CYBA: variants seen among roughly 807,000 people sequenced by gnomAD.
The protein encoded by CYBA is cytochrome b-245 light chain.
Under a neutral mutation model 20.8 loss-of-function variants are expected in CYBA, and 21 were observed. That is an observed-to-expected ratio of 1.01 (90% CI 0.72 to 1.46). The LOEUF (loss-of-function observed/expected upper bound fraction) is 1.46. Ranked by LOEUF, CYBA falls within the 40% of genes most tolerant of loss-of-function variation. CYBA has a pLI of 0.00. For synonymous variants in CYBA, 164 were observed against 127.5 expected (o/e 1.29, Z -1.93); for missense variants, 344 against 287.0 (o/e 1.20, Z -1.43).
chr16:88,646,931 C>T (rs1907309472), intron 3 of CYBA, 93 bp from the exon 4 acceptor site: 1 of 1,246,622 alleles, frequency 8.0e-7, no homozygotes, highest in Non-Finnish European at 1.2e-6. Flanking sequence ...GCACCCAGGC[C>T]TCTTTCCTCC....
chr16:88,646,106 C>CGCCACTCACCAGTAGGTAGAT lies in CYBA; in HGVS notation c.358_369+9dup. ...GGTGGCCGGGGCCGACCTCAGAGGG[C>CGCCACTCACCAGTAGGTAGAT]GCCACTCACCAGTAGGTAGATGCCG... On this transcript the variant is annotated intron_variant, in intron 5 of 5. Coordinates refer to ENST00000261623, the MANE Select transcript of CYBA (RefSeq NM_000101.4). The CGCCACTCACCAGTAGGTAGAT allele has an allele frequency of 6.5e-7, 1 of 1,547,930 alleles. No individual in the cohort carries two copies. Among genetic ancestry groups the CGCCACTCACCAGTAGGTAGAT allele is most frequent in the Non-Finnish European group, 8.7e-7 (1 of 1,147,368 alleles).
chr16:88,646,444 A>G, intron 4 of CYBA: 1 of 560,388 alleles, frequency 1.8e-6, no homozygotes, highest in South Asian at 1.5e-5. Context: ...GCCGGCAGTA[A>G]CCAGCAGACA....
intron 2 of CYBA, 177 bp downstream of exon 2, chr16:88,647,868 G>A: frequency 1.5e-6 from 1 of 661,894 alleles, no homozygotes; most frequent in Non-Finnish European, 2.7e-6. Flanking sequence ...ATCGCCACAT[G>A]GTCCTGGCGA....
chr16:88,647,915 T>C (rs1396939166), intron 2 of CYBA, 130 bp downstream of exon 2: 2 of 929,768 alleles, frequency 2.2e-6, no homozygotes, highest in Non-Finnish European at 3.4e-6. Context: ...GCCCAACCCG[T>C]GCACAGCCCA....
chr16:88,650,466 G>A (rs1289654343), intron 1 of CYBA: 3 of 461,290 alleles, frequency 6.5e-6, no homozygotes, highest in East Asian at 6.8e-5. Flanking sequence ...ACCGCCTCCA[G>A]CGCAGACTCC....
At chr16:88,645,769 C>T (rs1000166971) in intron 5 of CYBA, 21 of 534,370 alleles carry the variant, frequency 3.9e-5, no homozygotes, top group Non-Finnish European at 6.4e-5. Flanking sequence ...GGGACCCAAG[C>T]GCAGGCACGG....
chr16:88,650,332 C>T (rs551086702), intron 1 of CYBA: 2 of 455,938 alleles, frequency 4.4e-6, no homozygotes, highest in African/African-American at 4.0e-5. Flanking sequence ...TCACCAGAAC[C>T]TCTGAGCAAA....
In CYBA at chr16:88,645,060, G is replaced by T. The variant is rs569572890; in HGVS notation, c.369+1056C>A. On this transcript the variant is annotated intron_variant, in intron 5 of 5. Coordinates refer to ENST00000261623, the MANE Select transcript of CYBA (RefSeq NM_000101.4). ...GGCTGGTGGTGGGTTGTCTGCTGAGGAGCAGCTGAGCCCGGCAGGGTGAAC... is the reference window on the plus strand; with the variant it reads ...GGCTGGTGGTGGGTTGTCTGCTGAGTAGCAGCTGAGCCCGGCAGGGTGAAC... 4.6e-6 allele frequency: 3 copies of T among 651,586 alleles called. No individual in the cohort carries two copies. The East Asian group carries it at 8.2e-5, about 18-fold the overall frequency. The allele number at this position is 651,586 out of a possible 1,614,324, so 40.4% of individuals were successfully genotyped here.
chr16:88,646,635 G>T, intron 4 of CYBA, 120 bp downstream of exon 4: 1 of 898,158 alleles, frequency 1.1e-6, no homozygotes, highest in Non-Finnish European at 1.9e-6. Flanking sequence ...ATTTTTGTTT[G>T]GAAAAACACT....
intron 5 of CYBA, chr16:88,645,229 A>T (rs958089244): frequency 1.4e-6 from 1 of 702,436 alleles, no homozygotes; most frequent in Non-Finnish European, 2.6e-6. Flanking sequence ...ACAAAGCAAC[A>T]GCCCAGATGA....
At chr16:88,646,361 C>A in intron 4 of CYBA, 164 bp from the exon 5 acceptor site, 1 of 650,984 alleles carries the variant, frequency 1.5e-6, no homozygotes, top group South Asian at 1.7e-5. Flanking sequence ...GTGTTCTCAG[C>A]CTTGATGTGG....
Position 88,651,021 on chromosome 16 carries a change from C to A in CYBA, c.-8G>T, listed in dbSNP as rs540259183. On this transcript the variant is annotated 5_prime_UTR_variant, in exon 1 of 6. Coordinates refer to ENST00000261623, the MANE Select transcript of CYBA (RefSeq NM_000101.4). ...CCACTCGATCTGCCCCATGGCGACA[C>A]GAACCCGGCTGGGACACTGCTAGGC... 7 of 1,592,544 alleles carry A rather than the reference C, an allele frequency of 4.4e-6. No homozygotes were observed. The East Asian group carries it at 1.6e-4, about 37-fold the overall frequency.
At chr16:88,646,541 G>A (rs907860760) in intron 4 of CYBA, 11 of 701,178 alleles carry the variant, frequency 1.6e-5, no homozygotes, top group Admixed American at 4.0e-5. Context: ...GCGACGGATC[G>A]GAGCTCCTCG....
At chr16:88,650,856 G>T (rs1297660344) in intron 1 of CYBA, 100 bp downstream of exon 1, 1 of 1,312,374 alleles carries the variant, frequency 7.6e-7, no homozygotes, top group Admixed American at 2.0e-5. Flanking sequence ...GGCCCGCCTG[G>T]CGCCCCACTT....
intron 1 of CYBA, chr16:88,650,562 A>G (rs1282595907): frequency 2.0e-6 from 1 of 493,816 alleles, no homozygotes; most frequent in Non-Finnish European, 4.0e-6. Flanking sequence ...CTGGCTACCG[A>G]GGGGCAGGGG....
At chr16:88,650,882 A>G in intron 1 of CYBA, 74 bp downstream of exon 1, 1 of 1,470,186 alleles carries the variant, frequency 6.8e-7, no homozygotes, top group African/African-American at 1.4e-5. Context: ...CCCTGTAAGT[A>G]GCCCGAGGTC....
chr16:88,648,097 T>C lies in CYBA; in HGVS notation c.76A>G (p.Ile26Val). ...ASGLILITGG[I>V]VATAGRFTQW... ...GTGAAGCGCCCAGCTGTGGCCACGATGCCCCCGGTGATGAGGACTGCGGGG... is the reference window on the plus strand; with the variant it reads ...GTGAAGCGCCCAGCTGTGGCCACGACGCCCCCGGTGATGAGGACTGCGGGG... Residue 26 changes from isoleucine (I) to valine (V), a missense_variant, in exon 2 of 6, where the codon ATC becomes GTC. Coordinates refer to ENST00000261623, the MANE Select transcript of CYBA (RefSeq NM_000101.4). 6.2e-7 allele frequency: 1 copy of C among 1,612,666 alleles called. No homozygotes were observed. Among genetic ancestry groups the C allele is most frequent in the African/African-American group, 1.3e-5 (1 of 75,046 alleles).
In CYBA at chr16:88,648,104, G is replaced by A. The variant is rs529905180; in HGVS notation, c.69C>T (p.Thr23=). The change falls in exon 2 of 6, where the codon ACC becomes ACT. Residue 23 remains threonine (T), a synonymous_variant. Transcript: ENST00000261623. The part of the protein sequence containing the change: ...QALASGLILI[T]GGIVATAGRF... ...GCCCAGCTGTGGCCACGATGCCCCC[G>A]GTGATGAGGACTGCGGGGAGAAGTG... is the stretch of plus-strand genomic sequence containing the variant. 36 of 1,612,236 alleles carry A rather than the reference G, an allele frequency of 2.2e-5. No homozygotes were observed. Among genetic ancestry groups the A allele is most frequent in the Admixed American group, 1.5e-4 (9 of 59,884 alleles).
intron 1 of CYBA, among the ~76,000 whole-genome samples, chr16:88,649,241 T>C (rs1907418925): frequency 6.6e-6 from 1 of 152,214 alleles, no homozygotes; most frequent in Admixed American, 6.5e-5. Context: ...CTGCCAGCCA[T>C]TCTGTTTTTG....
Sources: allele counts gnomAD v4.1 joint callset (sites outside exome capture counted in the v4.1 genomes callset), GRCh38; gene constraint gnomAD v4.1.1; transcripts MANE v1.5; gene names NCBI Gene and HGNC (gene_info 2026-07-23, HGNC 2026-07-21).